JMJD6: variants seen among roughly 807,000 people sequenced by gnomAD.
The protein encoded by JMJD6 is jumonji domain containing 6, arginine demethylase and lysine hydroxylase.
Under a neutral mutation model 45.8 loss-of-function variants are expected in JMJD6, and 17 were observed. The ratio of observed to expected loss-of-function variants is 0.37; its 90% CI spans 0.25 to 0.56. The LOEUF (loss-of-function observed/expected upper bound fraction) is 0.56. Ranked by LOEUF, JMJD6 falls within the 20% of genes least tolerant of loss-of-function variation. The probability of loss-of-function intolerance (pLI) is 0.79; values close to 1 mark genes in which losing one functional copy is unlikely to be tolerated. For synonymous variants in JMJD6, 221 were observed against 196.3 expected, an observed-to-expected ratio of 1.13 and a Z score of -1.05; for missense variants, 470 against 517.5, an observed-to-expected ratio of 0.91 and a Z score of 0.89.
downstream of JMJD6, chr17:76,713,695 T>A (rs1276421829): frequency 6.6e-6 from 1 of 152,230 alleles, no homozygotes; most frequent in Non-Finnish European, 1.5e-5. Flanking sequence ...CCTATACTCG[T>A]CTAAAGTCCT....
At chr17:76,721,343 G>C (rs754597062) in intron 4 of JMJD6, 1 of 447,264 alleles carries the variant, frequency 2.2e-6, no homozygotes, top group Non-Finnish European at 4.6e-6. Flanking sequence ...GCCGCTGCCC[G>C]TGCTGTATCT....
At chr17:76,720,912 G>C (rs750503160) in intron 4 of JMJD6, among the ~76,000 whole-genome samples, 3 of 152,182 alleles carry the variant, frequency 2.0e-5, no homozygotes, top group Non-Finnish European at 2.9e-5. Context: ...ATAATGATCA[G>C]AGTTGCATTG....
chr17:76,718,620 T>C lies in JMJD6; in HGVS notation c.*109A>G, dbSNP rs1311402232. 1.3e-6 allele frequency: 2 copies of C among 1,503,342 alleles called. No homozygotes were observed. Among genetic ancestry groups the C allele is most frequent in the Non-Finnish European group, 1.8e-6 (2 of 1,131,012 alleles). 93.1% of individuals were successfully genotyped at this position (1,503,342 alleles called of 1,614,324 possible). A position where few individuals can be genotyped will look rare whatever the true frequency, so the allele number is the denominator to read the frequency against. ...TCCCGTGCCGAGGGTGTCCTCATTC[T>C]TGGGCTCTGTCAGGCCTCCCCTTGT... is the stretch of plus-strand genomic sequence containing the variant. On this transcript the variant is annotated 3_prime_UTR_variant, in exon 6 of 6. Coordinates refer to ENST00000397625, the MANE Select transcript of JMJD6 (RefSeq NM_015167.3).
chr17:76,718,841 C>T lies in JMJD6; in HGVS notation c.1100G>A (p.Gly367Asp), dbSNP rs1408853901. 1.2e-6 allele frequency: 2 copies of T among 1,614,108 alleles called. No homozygotes were observed. The highest frequency in any genetic ancestry group is 1.7e-5 in the Admixed American group (1 of 60,008). Reference protein sequence around the residue: ...SDSECESGSEGDGTVHRRKKR... With the variant: ...SDSECESGSEDDGTVHRRKKR... ...CTTCCTGCGGTGCACTGTCCCATCG[C>T]CCTCGGATCCAGACTCGCACTGGAC... Residue 367 changes from glycine (G) to aspartate (D), a missense_variant, in exon 6 of 6, where the codon GGC becomes GAC. Around this residue, in one of 4 missense-constraint regions of JMJD6, gnomAD observed 45 missense variants for 37.2 expected, o/e 1.21. Coordinates refer to ENST00000397625, the MANE Select transcript of JMJD6 (RefSeq NM_015167.3).
At chr17:76,718,444 T>C, downstream of JMJD6, 1 of 1,318,906 alleles carries the variant, frequency 7.6e-7, no homozygotes, top group Non-Finnish European at 9.6e-7. Context: ...GGAAAACATT[T>C]CCAAGATAGA....
downstream of JMJD6, chr17:76,716,764 A>AGCATG (rs776625583): frequency 4.4e-6 from 7 of 1,607,452 alleles, no homozygotes; most frequent in East Asian, 1.3e-4. Flanking sequence ...GCACGTAGAC[A>AGCATG]GCATGCTGGG....
At chr17:76,716,687 C>T, downstream of JMJD6, 1 of 1,614,080 alleles carries the variant, frequency 6.2e-7, no homozygotes, top group Non-Finnish European at 8.5e-7. Flanking sequence ...TTTATCTGCT[C>T]AGGGGTGAGC....
In JMJD6 at chr17:76,726,460, T is replaced by TAA; in HGVS notation, c.15_16insTT (p.Lys6LeufsTer33). On this transcript the variant is annotated frameshift_variant, in exon 1 of 6. Coordinates refer to ENST00000397625, the MANE Select transcript of JMJD6 (RefSeq NM_015167.3). LOFTEE classifies it high-confidence loss of function. Reference sequence around the variant, plus strand: ...CGCTTGGCCTCGCGGATGCGCTTCTTGCTCTTGTGGTTCATTCTGCGGGGT... The same window carrying TAA: ...CGCTTGGCCTCGCGGATGCGCTTCTTAAGCTCTTGTGGTTCATTCTGCGGGGT... The TAA allele has an allele frequency of 6.2e-7, 1 of 1,604,424 alleles. No individual in the cohort carries two copies. The highest frequency in any genetic ancestry group is 8.5e-7 in the Non-Finnish European group (1 of 1,176,424).
intron 5 of JMJD6, 34 bp from the exon 6 acceptor site, chr17:76,718,894 C>T: frequency 6.2e-7 from 1 of 1,603,112 alleles, no homozygotes; most frequent in Non-Finnish European, 8.5e-7. Context: ...AAGGAGTCAA[C>T]CTGGATGCAA....
chr17:76,718,494 C>A lies in JMJD6; in HGVS notation c.*235G>T. The A allele has an allele frequency of 7.5e-7, 1 of 1,325,652 alleles. No homozygotes were observed. The highest frequency in any genetic ancestry group is 2.2e-5 in the South Asian group (1 of 45,338). 82.1% of individuals were successfully genotyped at this position (1,325,652 alleles called of 1,614,324 possible). A position where few individuals can be genotyped will look rare whatever the true frequency, so the allele number is the denominator to read the frequency against. On this transcript the variant is annotated 3_prime_UTR_variant, in exon 6 of 6. Transcript: ENST00000397625. Reference sequence around the variant, plus strand: ...TTTATTAAATAATGTAAAGGATTTTCTTGGCACTATTCACATTCTCTTGCC... The same window carrying A: ...TTTATTAAATAATGTAAAGGATTTTATTGGCACTATTCACATTCTCTTGCC...
intron 4 of JMJD6, among the ~76,000 whole-genome samples, chr17:76,720,926 A>T (rs1203783664): frequency 6.6e-6 from 1 of 152,198 alleles, no homozygotes; most frequent in Non-Finnish European, 1.5e-5. Flanking sequence ...TGCATTGGTT[A>T]GATTCTATTT....
At chr17:76,723,322 A>G (rs2076852164) in intron 3 of JMJD6, among the ~76,000 whole-genome samples, 1 of 152,152 alleles carries the variant, frequency 6.6e-6, no homozygotes, top group South Asian at 2.1e-4. Context: ...CTATAGCTAC[A>G]TGTTACTGTC....
chr17:76,721,320 G>A, intron 4 of JMJD6: 1 of 452,692 alleles, frequency 2.2e-6, no homozygotes, highest in Non-Finnish European at 4.5e-6. Flanking sequence ...GGTGGCTGTG[G>A]GTGGCTTGCA....
At position 76,718,805 on chromosome 17, in the gene JMJD6, GTCC is replaced by G. The variant is rs1235661789; in HGVS notation, c.1133_1135del (p.Arg378del). The G allele has an allele frequency of 1.9e-6, 3 of 1,614,212 alleles. No homozygotes were observed. The highest frequency in any genetic ancestry group is 2.5e-6 in the Non-Finnish European group (3 of 1,180,036). ...GTCCCCGTTTCCCACCATGCTGCAC[GTCC>G]TCCTCTTCTTCCTGCGGTGCACTGT... is the stretch of plus-strand genomic sequence containing the variant. On this transcript the variant is annotated inframe_deletion, in exon 6 of 6. Coordinates refer to ENST00000397625, the MANE Select transcript of JMJD6 (RefSeq NM_015167.3).
At chr17:76,723,541 C>G (rs555140249) in intron 3 of JMJD6, among the ~76,000 whole-genome samples, 5 of 150,310 alleles carry the variant, frequency 3.3e-5, no homozygotes, top group Non-Finnish European at 7.4e-5. Context: ...CCTGGGTTCA[C>G]GTGATTCTCC....
rs369827601 is a variant in JMJD6 at position 76,724,773 on chromosome 17, C to T, written c.518+694G>A. ...CGGAGGCTGCAGTGAGCTGAGATTG[C>T]GCCACTGCACTCCAGCTTGGACGAC... On this transcript the variant is annotated intron_variant, in intron 2 of 5. Coordinates refer to ENST00000397625, the MANE Select transcript of JMJD6 (RefSeq NM_015167.3). Among the ~76,000 whole-genome samples, 23 of 151,352 alleles carry T rather than the reference C, an allele frequency of 1.5e-4. 1 individual carries two copies. In the East Asian group the frequency reaches 2.9e-3, roughly 19 times the overall value.
downstream of JMJD6, chr17:76,716,371 T>G: frequency 6.2e-6 from 2 of 321,734 alleles, no homozygotes; most frequent in Admixed American, 8.9e-5. Context: ...CACAAGACGT[T>G]ACAAGGATCA....
intron 4 of JMJD6, chr17:76,720,769 C>A (rs1476411929): frequency 3.0e-6 from 1 of 333,590 alleles, no homozygotes; most frequent in Non-Finnish European, 5.6e-6. Context: ...GCCACCAATA[C>A]ACGAGGCACA....
downstream of JMJD6, chr17:76,713,591 TAC>T (rs1296357074): frequency 6.6e-6 from 1 of 152,212 alleles, no homozygotes; most frequent in Non-Finnish European, 1.5e-5. Context: ...GTGGAAATAC[TAC>T]AGACAATCTA....
Sources: gnomAD v4.1 joint callset for allele counts (sites outside exome capture counted in the v4.1 genomes callset) on GRCh38, gnomAD v4.1.1 for gene constraint, gnomAD v4.1.1 regional missense constraint, MANE v1.5 for transcripts, NCBI Gene and HGNC (gene_info 2026-07-23, HGNC 2026-07-21) for gene names.